The following TTC27 variants were observed in gnomAD, a reference collection of about 807,000 sequenced individuals.
TTC27 encodes the protein tetratricopeptide repeat domain 27, also known as tetratricopeptide repeat protein 27.
A neutral mutation model predicts 115.9 loss-of-function variants in TTC27; 79 were observed. The ratio of observed to expected loss-of-function variants is 0.68; its 90% CI spans 0.57 to 0.82. The LOEUF is 0.82. TTC27 is among the 40% of genes least tolerant of loss of function. TTC27 has a pLI of 0.00. For missense variants in TTC27, 1,054 were observed against 993.1 expected (o/e 1.06, Z -0.82); for synonymous variants, 401 against 356.0 (o/e 1.13, Z -1.42).
At chr2:32,748,689 C>CTTTTTT (rs36003831) in intron 12 of TTC27, among the ~76,000 whole-genome samples, 1 of 133,326 alleles carries the variant, frequency 7.5e-6, no homozygotes, top group African/African-American at 2.8e-5. Context: ...TCTAACAATT[C>CTTTTTT]TTTTTTTTTT....
intron 4 of TTC27, among the ~76,000 whole-genome samples, chr2:32,646,266 G>A (rs1465867351): frequency 6.6e-6 from 1 of 151,798 alleles, no homozygotes; most frequent in African/African-American, 2.4e-5. Context: ...CTGACCTCGT[G>A]ATCCACCTGC....
chr2:32,765,585 G>T (rs1669599919), intron 13 of TTC27, among the ~76,000 whole-genome samples: 1 of 152,136 alleles, frequency 6.6e-6, no homozygotes, highest in Non-Finnish European at 1.5e-5. Context: ...AGGAGAGTCA[G>T]CCTGTCCTTT....
At chr2:32,778,427 T>G (rs1670069621) in intron 14 of TTC27, among the ~76,000 whole-genome samples, 2 of 152,192 alleles carry the variant, frequency 1.3e-5, no homozygotes, top group South Asian at 4.1e-4. Flanking sequence ...TCCACTACAA[T>G]TAGCTTTAGA....
rs139851663 is a variant in TTC27, at chr2:32,640,241, A to G, written c.397-29A>G. Reference sequence around the variant, plus strand: ...AAAGATTAATATTTTGTTAAATTATATCATCTTAGTTTATAATCCTTTTTT... The same window carrying G: ...AAAGATTAATATTTTGTTAAATTATGTCATCTTAGTTTATAATCCTTTTTT... On this transcript the variant is annotated intron_variant, in intron 3 of 19. Coordinates refer to ENST00000317907, the MANE Select transcript of TTC27 (RefSeq NM_017735.5). The G allele has an allele frequency of 9.5e-3, 15,185 of 1,590,636 alleles. 126 individuals carry two copies. Among genetic ancestry groups the G allele is most frequent in the Middle Eastern group, 0.026 (156 of 5,982 alleles).
intron 14 of TTC27, chr2:32,780,072 G>A (rs774961542): frequency 4.7e-5 from 22 of 465,248 alleles, no homozygotes; most frequent in South Asian, 3.5e-4. Flanking sequence ...ATATTCCACT[G>A]TCTTGTTTAC....
intron 9 of TTC27, among the ~76,000 whole-genome samples, chr2:32,702,494 G>A (rs988772678): frequency 5.3e-5 from 8 of 152,014 alleles, no homozygotes; most frequent in Non-Finnish European, 1.2e-4. Flanking sequence ...CTTTCTCTGG[G>A]GTTAGGTTTC....
At chr2:32,732,667 T>C (rs1668327828) in intron 10 of TTC27, among the ~76,000 whole-genome samples, 1 of 152,214 alleles carries the variant, frequency 6.6e-6, no homozygotes, top group Non-Finnish European at 1.5e-5. Flanking sequence ...ACCAAAAAGT[T>C]GCAAGAACAG....
intron 5 of TTC27, among the ~76,000 whole-genome samples, chr2:32,653,734 C>T (rs893476190): frequency 6.6e-6 from 1 of 152,036 alleles, no homozygotes; most frequent in Non-Finnish European, 1.5e-5. Flanking sequence ...TATAATTGTC[C>T]ATTAAGGATT....
Position 32,672,290 on chromosome 2 carries a change from G to T in TTC27, c.958G>T (p.Asp320Tyr). The change falls in exon 8 of 20, where the codon GAC becomes TAC. Residue 320 changes from aspartate (D) to tyrosine (Y), a missense_variant. Coordinates refer to ENST00000317907, the MANE Select transcript of TTC27 (RefSeq NM_017735.5). ...CTACTAGAATCTTGAGCTCAATGAT[G>T]ACACCATTCTGAATGACATAAAGTT... ...HLTKNLELND[D>Y]TILNDIKLAD... 1 of 1,613,464 alleles carries T rather than the reference G, an allele frequency of 6.2e-7. No homozygotes were observed. The highest frequency in any genetic ancestry group is 1.1e-5 in the South Asian group (1 of 90,986).
chr2:32,777,792 G>A (rs1670045737), intron 13 of TTC27, 90 bp from the exon 14 acceptor site: 1 of 1,179,034 alleles, frequency 8.5e-7, no homozygotes, highest in South Asian at 1.3e-5. Flanking sequence ...TTCTAGGAGT[G>A]TGTTTGTTGA....
intron 14 of TTC27, among the ~76,000 whole-genome samples, chr2:32,781,434 T>C (rs577052830): frequency 3.3e-5 from 5 of 152,164 alleles, no homozygotes; most frequent in African/African-American, 9.7e-5. Context: ...CGCCATTTTT[T>C]AAAAAAATTG....
At chr2:32,791,881 A>T (rs1038199792) in intron 16 of TTC27, among the ~76,000 whole-genome samples, 2 of 152,216 alleles carry the variant, frequency 1.3e-5, no homozygotes, top group African/African-American at 4.8e-5. Context: ...TCTCAAAAAA[A>T]TATGAAATAA....
chr2:32,753,236 G>A (rs1432298520), intron 12 of TTC27, among the ~76,000 whole-genome samples: 2 of 152,040 alleles, frequency 1.3e-5, no homozygotes, highest in Non-Finnish European at 2.9e-5. Context: ...TCCAAGCGAG[G>A]ATTGCAAGAG....
At chr2:32,646,170 A>C (rs1313771960) in intron 4 of TTC27, among the ~76,000 whole-genome samples, 1 of 151,758 alleles carries the variant, frequency 6.6e-6, no homozygotes, top group Non-Finnish European at 1.5e-5. Context: ...CTGGGACTAC[A>C]GGCGCCCACC....
intron 10 of TTC27, among the ~76,000 whole-genome samples, chr2:32,712,177 C>G (rs1559217676): frequency 6.6e-6 from 1 of 152,094 alleles, no homozygotes; most frequent in Non-Finnish European, 1.5e-5. Context: ...GAAGAGATCT[C>G]TAAGTGAGAC....
At chr2:32,729,711 G>A (rs139428421) in intron 10 of TTC27, among the ~76,000 whole-genome samples, 1 of 151,408 alleles carries the variant, frequency 6.6e-6, no homozygotes, top group African/African-American at 2.4e-5. Flanking sequence ...CTCTCTGCTT[G>A]TTACCTTTTA....
At chr2:32,644,814 TC>T (rs962283530) in intron 4 of TTC27, among the ~76,000 whole-genome samples, 13 of 127,202 alleles carry the variant, frequency 1.0e-4, no homozygotes, top group African/African-American at 3.2e-4. Context: ...TTTCCCTCCC[TC>T]CCTCCCTCCC....
intron 10 of TTC27, chr2:32,704,956 C>T (rs963744134): frequency 2.1e-6 from 1 of 469,976 alleles, no homozygotes. Context: ...TAAAGTTACT[C>T]TACTCTTTTC....
chr2:32,723,226 G>A (rs553485969), intron 10 of TTC27, among the ~76,000 whole-genome samples: 3 of 152,056 alleles, frequency 2.0e-5, no homozygotes, highest in Admixed American at 6.5e-5. Flanking sequence ...GTCAGATTAC[G>A]GTGATTGAAT....
Sources: allele counts gnomAD v4.1 joint callset (sites outside exome capture counted in the v4.1 genomes callset), GRCh38; gene constraint gnomAD v4.1.1; transcripts MANE v1.5; gene names NCBI Gene and HGNC (gene_info 2026-07-23, HGNC 2026-07-21).